TPGS1: variants seen among roughly 807,000 people sequenced by gnomAD.
TPGS1 encodes the protein tubulin polyglutamylase complex subunit 1, also known as gene trap ROSA b-geo 22.
In TPGS1, 18 loss-of-function variants were observed where a neutral mutation model predicts 11.9. That is an observed-to-expected ratio of 1.51 (90% CI 1.04 to 2.24). The LOEUF is 2.24. TPGS1 is among the 30% of genes most tolerant of loss of function. The pLI is 0.00. For synonymous variants in TPGS1, 247 were observed against 218.2 expected (o/e 1.13, Z -1.16); for missense variants, 500 against 443.0 (o/e 1.13, Z -1.16).
Position 507,782 on chromosome 19 carries a change from G to A in TPGS1, c.276G>A (p.Leu92=). 3 of 1,388,934 alleles carry A rather than the reference G, an allele frequency of 2.2e-6. No individual in the cohort carries two copies. Among genetic ancestry groups the A allele is most frequent in the Non-Finnish European group, 2.8e-6 (3 of 1,074,366 alleles). The allele number at this position is 1,388,934 out of a possible 1,614,324, so 86.0% of individuals were successfully genotyped here. Residue 92 remains leucine (L), a synonymous_variant, in exon 1 of 2, where the codon CTG becomes CTA. Coordinates refer to ENST00000359315, the MANE Select transcript of TPGS1 (RefSeq NM_033513.3). ...GGAGEPPGQL[L]LQQQRLGRAL... ...CCGGGGAGCCCCCGGGCCAGCTCCT[G>A]CTGCAGCAGCAGCGCCTGGGCCGCG...
intron 1 of TPGS1, chr19:509,303 G>C (rs184460754): frequency 8.5e-5 from 13 of 152,478 alleles, no homozygotes; most frequent in Admixed American, 7.2e-4. Context: ...AGGAGGAAAA[G>C]GGGTCAACAG....
chr19:519,332 G>T lies in TPGS1; in HGVS notation c.782G>T (p.Gly261Val), dbSNP rs919143505. 26 of 1,196,146 alleles carry T rather than the reference G, an allele frequency of 2.2e-5. No individual in the cohort carries two copies. In the African/African-American group the frequency reaches 4.0e-4, roughly 18 times the overall value. 74.1% of individuals were successfully genotyped at this position (1,196,146 alleles called of 1,614,324 possible). The change falls in exon 2 of 2, where the codon GGG becomes GTG. Residue 261 changes from glycine to valine, a missense_variant. Physicochemically the swap from Gly to Val is moderately radical, Grantham distance 109. Coordinates refer to ENST00000359315, the MANE Select transcript of TPGS1 (RefSeq NM_033513.3). ...GCGCTGGCGCTGGACCGCGCCGTCGGGGGGCGGCGGCCCAGCGCGCCCATG... is the reference window on the plus strand; with the variant it reads ...GCGCTGGCGCTGGACCGCGCCGTCGTGGGGCGGCGGCCCAGCGCGCCCATG... ...SLALALDRAV[G>V]GRRPSAPMTR...
chr19:513,014 A>G (rs2145832699), intron 1 of TPGS1, among the ~76,000 whole-genome samples: 1 of 152,282 alleles, frequency 6.6e-6, no homozygotes, highest in East Asian at 1.9e-4. Flanking sequence ...GCAACCTCCT[A>G]AGAGACCCCA....
At chr19:512,860 G>A (rs961928216) in intron 1 of TPGS1, among the ~76,000 whole-genome samples, 9 of 152,362 alleles carry the variant, frequency 5.9e-5, no homozygotes, top group African/African-American at 2.2e-4. Flanking sequence ...TGGGTGGGTT[G>A]CTGGCTCGGC....
Position 519,503 on chromosome 19 carries a change from G to T in TPGS1, c.*80G>T. The T allele has an allele frequency of 1.8e-6, 2 of 1,135,816 alleles. No homozygotes were observed. Among genetic ancestry groups the T allele is most frequent in the Non-Finnish European group, 2.2e-6 (2 of 919,184 alleles). The allele number at this position is 1,135,816 out of a possible 1,614,324, so 70.4% of individuals were successfully genotyped here. On this transcript the variant is annotated 3_prime_UTR_variant, in exon 2 of 2. Transcript: ENST00000359315. ...GCGCGCGGAGCCTTCCCTTCGCCCT[G>T]GTGAGGCCCTGCCATAACCAGGCGC...
At chr19:511,518 C>A (rs1218312837) in intron 1 of TPGS1, among the ~76,000 whole-genome samples, 1 of 152,284 alleles carries the variant, frequency 6.6e-6, no homozygotes, top group Non-Finnish European at 1.5e-5. Flanking sequence ...GCTCCAGCCC[C>A]GTTCTCCCGT....
intron 1 of TPGS1, among the ~76,000 whole-genome samples, chr19:514,411 C>G (rs1184131979): frequency 1.3e-5 from 2 of 152,012 alleles, no homozygotes; most frequent in Non-Finnish European, 2.9e-5. Flanking sequence ...TTACTGAGTA[C>G]CTATTGCACA....
rs761746292 is a variant in TPGS1, at chr19:507,562, A to T, written c.56A>T (p.Asp19Val). 1 of 1,399,152 alleles carries T rather than the reference A, an allele frequency of 7.1e-7. No homozygotes were observed. The highest frequency in any genetic ancestry group is 9.3e-7 in the Non-Finnish European group (1 of 1,072,166). 86.7% of individuals were successfully genotyped at this position (1,399,152 alleles called of 1,614,324 possible). A position where few individuals can be genotyped will look rare whatever the true frequency, so the allele number is the denominator to read the frequency against. The part of the protein sequence containing the change: ...QAVPPPAGFT[D>V]SGRQSVSRAA... ...GTACCACCGCCGGCCGGTTTCACGGACAGCGGCCGCCAGTCGGTATCCCGG... is the reference window on the plus strand; with the variant it reads ...GTACCACCGCCGGCCGGTTTCACGGTCAGCGGCCGCCAGTCGGTATCCCGG... The change falls in exon 1 of 2, where the codon GAC (aspartate) becomes GTC (valine). Residue 19 changes from aspartate to valine, a missense_variant. Asp to Val is a radical substitution (Grantham distance 152, BLOSUM62 -3). Transcript: ENST00000359315.
intron 1 of TPGS1, among the ~76,000 whole-genome samples, chr19:516,037 A>T (rs997226625): frequency 2.0e-5 from 3 of 149,964 alleles, no homozygotes; most frequent in Non-Finnish European, 4.5e-5. Context: ...GTCTCAAAAA[A>T]AAAAAAAAAA....
At chr19:518,095 A>G (rs1600404949) in intron 1 of TPGS1, among the ~76,000 whole-genome samples, 1 of 50,450 alleles carries the variant, frequency 2.0e-5, no homozygotes, top group African/African-American at 8.3e-5. Flanking sequence ...GGGAGGAGGG[A>G]GCCCCGGGCT....
intron 1 of TPGS1, among the ~76,000 whole-genome samples, chr19:511,245 T>TACCTCC (rs1047200291): frequency 2.0e-5 from 3 of 152,088 alleles, no homozygotes; most frequent in African/African-American, 7.2e-5. Flanking sequence ...TGCCTTCCTC[T>TACCTCC]TCCTCCTCCT....
At position 507,816 on chromosome 19, in the gene TPGS1, C is replaced by G; in HGVS notation, c.310C>G (p.His104Asp). 1 of 1,357,322 alleles carries G rather than the reference C, an allele frequency of 7.4e-7. No homozygotes were observed. The highest frequency in any genetic ancestry group is 9.5e-7 in the Non-Finnish European group (1 of 1,057,686). 84.1% of individuals were successfully genotyped at this position (1,357,322 alleles called of 1,614,324 possible). A position where few individuals can be genotyped will look rare whatever the true frequency, so the allele number is the denominator to read the frequency against. The part of the protein sequence containing the change: ...QQQRLGRALW[H>D]LRLAHHSQRA... Reference sequence around the variant, plus strand: ...GCAGCGCCTGGGCCGCGCGCTATGGCACCTTCGCCTGGCCCACCACTCCCA... The same window carrying G: ...GCAGCGCCTGGGCCGCGCGCTATGGGACCTTCGCCTGGCCCACCACTCCCA... Residue 104 changes from histidine to aspartate, a missense_variant, in exon 1 of 2, where the codon CAC (histidine) becomes GAC (aspartate). Physicochemically the swap from His to Asp is moderately conservative, Grantham distance 81. Coordinates refer to ENST00000359315, the MANE Select transcript of TPGS1 (RefSeq NM_033513.3).
At chr19:515,924 T>C (rs936985764) in intron 1 of TPGS1, among the ~76,000 whole-genome samples, 2 of 146,686 alleles carry the variant, frequency 1.4e-5, no homozygotes, top group African/African-American at 5.1e-5. Flanking sequence ...CCCAGCTACT[T>C]GGGAGGCTGA....
chr19:507,756 G>C lies in TPGS1; in HGVS notation c.250G>C (p.Ala84Pro), dbSNP rs552807006. The stretch of plus-strand genomic sequence containing the variant: ...CCTGCGCTCGCCTGTAAACGGCGGC[G>C]CCGGGGAGCCCCCGGGCCAGCTCCT... ...MGLRSPVNGG[A>P]GEPPGQLLLQ... Residue 84 changes from alanine to proline, a missense_variant, in exon 1 of 2, where the codon GCC becomes CCC. By Grantham distance (27) the Ala-to-Pro change is conservative. Coordinates refer to ENST00000359315, the MANE Select transcript of TPGS1 (RefSeq NM_033513.3). 2.9e-6 allele frequency: 4 copies of C among 1,396,394 alleles called. 1 individual carries two copies. In the South Asian group the frequency reaches 6.3e-5, roughly 22 times the overall value. The allele number at this position is 1,396,394 out of a possible 1,614,324, so 86.5% of individuals were successfully genotyped here.
chr19:519,521 C>T lies in TPGS1; in HGVS notation c.*98C>T. On this transcript the variant is annotated 3_prime_UTR_variant, in exon 2 of 2. Transcript: ENST00000359315. ...TCGCCCTGGTGAGGCCCTGCCATAA[C>T]CAGGCGCCCAGCCCTGCGGAGGAGG... is the stretch of plus-strand genomic sequence containing the variant. The T allele has an allele frequency of 9.3e-7, 1 of 1,077,976 alleles. No individual in the cohort carries two copies. Among genetic ancestry groups the T allele is most frequent in the South Asian group, 4.6e-5 (1 of 21,590 alleles). The allele number at this position is 1,077,976 out of a possible 1,614,324, so 66.8% of individuals were successfully genotyped here.
Position 507,536 on chromosome 19 carries a change from G to T in TPGS1, c.30G>T (p.Ala10=). MAAVEKRRQ[A]VPPPAGFTDS... ...CGGCAGTGGAGAAGCGGCGGCAAGC[G>T]GTACCACCGCCGGCCGGTTTCACGG... Residue 10 remains alanine (A), a synonymous_variant, in exon 1 of 2, where the codon GCG becomes GCT. Transcript: ENST00000359315. 2.8e-6 allele frequency: 4 copies of T among 1,419,136 alleles called. No homozygotes were observed. The highest frequency in any genetic ancestry group is 3.7e-6 in the Non-Finnish European group (4 of 1,082,728). 87.9% of individuals were successfully genotyped at this position (1,419,136 alleles called of 1,614,324 possible). A position where few individuals can be genotyped will look rare whatever the true frequency, so the allele number is the denominator to read the frequency against.
At chr19:511,796 C>G (rs8107593) in intron 1 of TPGS1, among the ~76,000 whole-genome samples, 48,098 of 152,158 alleles carry the variant, frequency 0.32, 8,635 homozygotes, top group African/African-American at 0.49. Flanking sequence ...ACGACAGGAA[C>G]CAACAACCCC....
chr19:514,589 C>A (rs1371545748), intron 1 of TPGS1, among the ~76,000 whole-genome samples: 1 of 152,214 alleles, frequency 6.6e-6, no homozygotes, highest in African/African-American at 2.4e-5. Flanking sequence ...CACAGGTGGC[C>A]CACAGAAAGG....
At chr19:514,026 G>C (rs1387282866) in intron 1 of TPGS1, among the ~76,000 whole-genome samples, 1 of 149,090 alleles carries the variant, frequency 6.7e-6, no homozygotes, top group Non-Finnish European at 1.5e-5. Context: ...AGCACCCACT[G>C]TACACAGACC....
Sources: gnomAD v4.1 joint callset for allele counts (sites outside exome capture counted in the v4.1 genomes callset) on GRCh38, gnomAD v4.1.1 for gene constraint, MANE v1.5 for transcripts, NCBI Gene and HGNC (gene_info 2026-07-23, HGNC 2026-07-21) for gene names.